The following METTL5 variants were observed in gnomAD, a reference collection of about 807,000 sequenced individuals.
METTL5 encodes rRNA N(6)-adenosine-methyltransferase METTL5.
A neutral mutation model predicts 26.5 loss-of-function variants in METTL5; 28 were observed. That is an observed-to-expected ratio of 1.06 (90% confidence interval 0.78 to 1.45). METTL5 has a LOEUF of 1.45. Ranked by LOEUF, METTL5 falls within the 40% of genes most tolerant of loss-of-function variation. The probability of loss-of-function intolerance (pLI) is 0.00; values close to 1 mark genes in which losing one functional copy is unlikely to be tolerated. For synonymous variants in METTL5, 86 were observed against 82.6 expected, an observed-to-expected ratio of 1.04 and a Z score of -0.22; for missense variants, 231 against 249.9, an observed-to-expected ratio of 0.92 and a Z score of 0.51.
chr2:169,812,112 G>C (rs1689982900), intron 6 of METTL5: 3 of 573,658 alleles, frequency 5.2e-6, no homozygotes, highest in Non-Finnish European at 8.9e-6. Flanking sequence ...ATTTAGGAAA[G>C]AACTAGAATA....
At chr2:169,821,900 T>TA (rs1187484560) in intron 2 of METTL5, 43 bp downstream of exon 2, 2 of 1,579,290 alleles carry the variant, frequency 1.3e-6, no homozygotes, top group East Asian at 2.2e-5. Flanking sequence ...TGCTCCTTAT[T>TA]AAAGCCACCC....
chr2:169,824,418 T>G (rs1332592611), intron 1 of METTL5, 71 bp downstream of exon 1: 5 of 1,170,882 alleles, frequency 4.3e-6, no homozygotes, highest in Non-Finnish European at 6.4e-6. Context: ...TCCAAATAAC[T>G]GTTCTATTTT....
intron 3 of METTL5, among the ~76,000 whole-genome samples, chr2:169,820,639 A>G (rs1438598404): frequency 6.6e-6 from 1 of 152,248 alleles, no homozygotes; most frequent in African/African-American, 2.4e-5. Flanking sequence ...AAGAGTAATA[A>G]CATCACTTAG....
At position 169,816,501 on chromosome 2, in the gene METTL5, C is replaced by G. The variant is rs141585735; in HGVS notation, c.490-973G>C. Among the ~76,000 whole-genome samples, 112 of 152,212 alleles carry G rather than the reference C, an allele frequency of 7.4e-4. 3 individuals carry two copies. The East Asian group carries it at 0.019, about 26-fold the overall frequency. ...CCCACATAGCCAAGACAATCCTAAG[C>G]AAAAAGAACAAAGCTGGAAGCACCA... On this transcript the variant is annotated intron_variant, in intron 4 of 6. Coordinates refer to ENST00000260953, the MANE Select transcript of METTL5 (RefSeq NM_014168.4).
intron 4 of METTL5, among the ~76,000 whole-genome samples, chr2:169,817,853 A>T (rs2081530979): frequency 6.6e-6 from 1 of 152,156 alleles, no homozygotes; most frequent in Non-Finnish European, 1.5e-5. Context: ...AACATGGCAC[A>T]TGTCTACGTA....
At chr2:169,814,736 G>C (rs1690090358) in intron 5 of METTL5, among the ~76,000 whole-genome samples, 4 of 151,776 alleles carry the variant, frequency 2.6e-5, no homozygotes, top group Admixed American at 2.6e-4. Flanking sequence ...CACCACACCT[G>C]GCTAATTTTT....
At chr2:169,820,898 T>TGTGTGTGTGTGTGGGTAGAG (rs1164611209) in intron 3 of METTL5, among the ~76,000 whole-genome samples, 194 bp downstream of exon 3, 1 of 151,710 alleles carries the variant, frequency 6.6e-6, no homozygotes, top group Non-Finnish European at 1.5e-5. Context: ...TGTGTGTGTG[T>TGTGTGTGTGTGTGGGTAGAG]GTGTGTGTGT....
chr2:169,819,234 C>G (rs1402582025), intron 4 of METTL5, among the ~76,000 whole-genome samples: 1 of 152,130 alleles, frequency 6.6e-6, no homozygotes, highest in Admixed American at 6.6e-5. Flanking sequence ...CACACCGGGA[C>G]AATGGGACAA....
chr2:169,822,602 TC>T (rs1311050165), intron 1 of METTL5, among the ~76,000 whole-genome samples: 2 of 152,052 alleles, frequency 1.3e-5, no homozygotes, highest in Non-Finnish European at 2.9e-5. Context: ...TCTTTTTTTT[TC>T]TTTTTTTTTT....
intron 5 of METTL5, among the ~76,000 whole-genome samples, chr2:169,814,199 A>T (rs1690070667): frequency 6.6e-6 from 1 of 151,892 alleles, no homozygotes; most frequent in Admixed American, 6.6e-5. Context: ...TAGAGAATGA[A>T]ATTAGAGGCT....
chr2:169,824,147 G>T (rs747198035), intron 1 of METTL5: 30 of 210,168 alleles, frequency 1.4e-4, no homozygotes, highest in Non-Finnish European at 2.6e-4. Context: ...CTCCTAAATA[G>T]TACCAGCGAC....
Position 169,824,579 on chromosome 2 carries a change from T to C in METTL5, c.19A>G (p.Lys7Glu). MKKVRL[K>E]ELESRLQQVD... is the part of the protein sequence containing the mutation. ...TGTTGCAGGCGACTCTCTAGTTCCTTAAGCCTTACTTTCTTCATTTTGTTT... is the reference window on the plus strand; with the variant it reads ...TGTTGCAGGCGACTCTCTAGTTCCTCAAGCCTTACTTTCTTCATTTTGTTT... Residue 7 changes from lysine (K) to glutamate (E), a missense_variant, in exon 1 of 7, where the codon AAG becomes GAG. Coordinates refer to ENST00000260953, the MANE Select transcript of METTL5 (RefSeq NM_014168.4). 3 of 1,613,984 alleles carry C rather than the reference T, an allele frequency of 1.9e-6. No homozygotes were observed. The highest frequency in any genetic ancestry group is 1.1e-5 in the South Asian group (1 of 91,086).
In METTL5 at chr2:169,811,767, C is replaced by G; in HGVS notation, c.*53G>C. On this transcript the variant is annotated 3_prime_UTR_variant, in exon 7 of 7. Transcript: ENST00000260953. ...GCTGGAGACCAGTAGTTTAGTAAAC[C>G]AATTTTTTATTCATTTTAAATAGGT... 6.2e-7 allele frequency: 1 copy of G among 1,612,844 alleles called. No individual in the cohort carries two copies. The highest frequency in any genetic ancestry group is 8.5e-7 in the Non-Finnish European group (1 of 1,179,634).
chr2:169,814,415 A>T (rs1690076278), intron 5 of METTL5, among the ~76,000 whole-genome samples: 1 of 131,272 alleles, frequency 7.6e-6, no homozygotes, highest in Non-Finnish European at 1.6e-5. Context: ...TGAACCCGGG[A>T]GGTGGAGGTT....
Position 169,821,209 on chromosome 2 carries a change from AC to A in METTL5, c.288del (p.Glu96AspfsTer4). On this transcript the variant is annotated frameshift_variant, in exon 3 of 7. Coordinates refer to ENST00000260953, the MANE Select transcript of METTL5 (RefSeq NM_014168.4). LOFTEE classifies it high-confidence loss of function. Reference protein sequence around the residue: ...ALEIFNRNAEEFELTNIDMVQ... With the variant: ...ALEIFNRNAEXFELTNIDMVQ... Reference sequence around the variant, plus strand: ...ACCATGTCAATATTTGTTAACTCAAACTCTTCTGCATTCCTATTAAATATTT... The same window carrying A: ...ACCATGTCAATATTTGTTAACTCAAATCTTCTGCATTCCTATTAAATATTT... 1 of 1,612,404 alleles carries A rather than the reference AC, an allele frequency of 6.2e-7. No homozygotes were observed. Among genetic ancestry groups the A allele is most frequent in the African/African-American group, 1.3e-5 (1 of 74,896 alleles).
chr2:169,818,262 T>C (rs1022443268), intron 4 of METTL5, among the ~76,000 whole-genome samples: 1 of 152,166 alleles, frequency 6.6e-6, no homozygotes, highest in African/African-American at 2.4e-5. Context: ...CTGGGAAAAT[T>C]AATTGTGTCC....
intron 1 of METTL5, among the ~76,000 whole-genome samples, chr2:169,823,438 C>T (rs191933062): frequency 2.0e-5 from 3 of 152,316 alleles, no homozygotes; most frequent in East Asian, 3.9e-4. Context: ...TGTAAATACA[C>T]ATGTATTCTC....
chr2:169,814,604 T>C (rs1690087162), intron 5 of METTL5, among the ~76,000 whole-genome samples: 1 of 138,298 alleles, frequency 7.2e-6, no homozygotes, highest in African/African-American at 2.7e-5. Context: ...AGATGGAATC[T>C]CACTCTGTTG....
rs1247557050 is a variant in METTL5, at chr2:169,824,555, G to A, written c.43C>T (p.Gln15Ter). The stretch of plus-strand genomic sequence containing the variant: ...TTGGGCTTTTCAAATCCATCCACTT[G>A]TTGCAGGCGACTCTCTAGTTCCTTA... ...RLKELESRLQ[Q>*]VDGFEKPKLL... Residue 15 changes from glutamine (Q) to a stop codon, truncating the protein, a stop_gained, in exon 1 of 7, where the codon CAA becomes TAA. Coordinates refer to ENST00000260953, the MANE Select transcript of METTL5 (RefSeq NM_014168.4). LOFTEE classifies it high-confidence loss of function. 2 of 1,614,172 alleles carry A rather than the reference G, an allele frequency of 1.2e-6. No individual in the cohort carries two copies. The highest frequency in any genetic ancestry group is 1.7e-5 in the Admixed American group (1 of 60,028).
Sources: allele counts gnomAD v4.1 joint callset (sites outside exome capture counted in the v4.1 genomes callset), GRCh38; gene constraint gnomAD v4.1.1; transcripts MANE v1.5; gene names NCBI Gene and HGNC (gene_info 2026-07-23, HGNC 2026-07-21).